Variants in NDST4 observed in about 807,000 individuals in gnomAD.
NDST4 encodes the protein N-deacetylase and N-sulfotransferase 4, also known as N-heparan sulfate sulfotransferase 4.
Under a neutral mutation model 100.8 loss-of-function variants are expected in NDST4, and 63 were observed. That is an observed-to-expected ratio of 0.62 (90% confidence interval 0.51 to 0.77). The LOEUF is 0.77. Ranked by LOEUF, NDST4 falls within the 30% of genes least tolerant of loss-of-function variation. The probability of loss-of-function intolerance (pLI) is 0.00; values close to 1 mark genes in which losing one functional copy is unlikely to be tolerated. For missense variants in NDST4, 943 were observed against 1,018.4 expected, an observed-to-expected ratio of 0.93 and a Z score of 1.01; for synonymous variants, 377 against 361.8, an observed-to-expected ratio of 1.04 and a Z score of -0.48.
chr4:115,094,326 T>A (rs1206551168), intron 1 of NDST4, among the ~76,000 whole-genome samples: 1 of 152,036 alleles, frequency 6.6e-6, no homozygotes, highest in Non-Finnish European at 1.5e-5. Context: ...TCATCAAAAC[T>A]TCAAAGAATA....
At chr4:114,981,447 C>T (rs974431748) in intron 2 of NDST4, among the ~76,000 whole-genome samples, 1 of 152,106 alleles carries the variant, frequency 6.6e-6, no homozygotes, top group Non-Finnish European at 1.5e-5. Context: ...ATAATGCCTA[C>T]AAATGTGCAC....
At chr4:114,970,637 A>G in intron 3 of NDST4, 53 bp from the exon 4 acceptor site, 1 of 1,486,620 alleles carries the variant, frequency 6.7e-7, no homozygotes, top group Non-Finnish European at 9.2e-7. Context: ...TACTATCTTA[A>G]AGGTTATTTT....
chr4:114,994,212 T>C (rs556410731), intron 2 of NDST4, among the ~76,000 whole-genome samples: 13 of 152,152 alleles, frequency 8.5e-5, no homozygotes, highest in South Asian at 4.1e-4. Flanking sequence ...AATTTTCTGC[T>C]GAACAAACAA....
intron 2 of NDST4, among the ~76,000 whole-genome samples, chr4:115,001,868 T>C (rs1468920967): frequency 1.3e-5 from 2 of 152,178 alleles, no homozygotes; most frequent in Non-Finnish European, 2.9e-5. Flanking sequence ...GCAGGTATTA[T>C]AATCATGCCT....
At chr4:114,996,396 C>T (rs969845692) in intron 2 of NDST4, among the ~76,000 whole-genome samples, 11 of 152,040 alleles carry the variant, frequency 7.2e-5, no homozygotes, top group African/African-American at 2.4e-4. Flanking sequence ...ATAAATTACT[C>T]AGACCTGAGT....
At position 115,008,597 on chromosome 4, in the gene NDST4, A is replaced by G. The variant is rs527688468; in HGVS notation, c.979-31323T>C. On this transcript the variant is annotated intron_variant, in intron 2 of 13. Transcript: ENST00000264363. ...CCAATATCATACTGAATGGGCAAAA[A>G]CTGGACGCATTCCCTTTGAATGGCA... 2.3e-5 allele frequency among the ~76,000 whole-genome samples: 3 copies of G among 129,016 alleles called. 1 individual carries two copies. The highest frequency in any genetic ancestry group is 1.6e-4 in the Admixed American group (2 of 12,606). The allele number at this position is 129,016 out of a possible 152,430, so 84.6% of individuals were successfully genotyped here. A position where few individuals can be genotyped will look rare whatever the true frequency, so the allele number is the denominator to read the frequency against.
chr4:114,835,818 A>G (rs1245468102), intron 11 of NDST4, among the ~76,000 whole-genome samples: 3 of 152,188 alleles, frequency 2.0e-5, no homozygotes, highest in Admixed American at 2.0e-4. Flanking sequence ...ATATATATTT[A>G]AGATAGTTAG....
rs959218046 is a variant in NDST4, at chr4:114,953,424, T to G, written c.1222-15921A>C. 5.6e-4 allele frequency among the ~76,000 whole-genome samples: 85 copies of G among 152,176 alleles called. 1 individual carries two copies. Among genetic ancestry groups the G allele is most frequent in the Non-Finnish European group, 1.3e-4 (9 of 68,000 alleles). ...AGAGAAAGTTATCAATCTTACAAAC[T>G]TGGACCAGGAGACTGAGGAAGTAGA... On this transcript the variant is annotated intron_variant, in intron 4 of 13. Coordinates refer to ENST00000264363, the MANE Select transcript of NDST4 (RefSeq NM_022569.3).
At chr4:114,883,276 G>A (rs987791548) in intron 6 of NDST4, among the ~76,000 whole-genome samples, 1 of 152,030 alleles carries the variant, frequency 6.6e-6, no homozygotes, top group Admixed American at 6.6e-5. Flanking sequence ...TCAAGTAAGT[G>A]AAATGATTAA....
At chr4:115,101,895 G>A (rs1394644200) in intron 1 of NDST4, among the ~76,000 whole-genome samples, 3 of 152,080 alleles carry the variant, frequency 2.0e-5, no homozygotes, top group Non-Finnish European at 2.9e-5. Flanking sequence ...ATTAGGAGAC[G>A]GGTTGGAGAG....
At chr4:114,920,312 C>G (rs1436972008) in intron 6 of NDST4, among the ~76,000 whole-genome samples, 1 of 152,052 alleles carries the variant, frequency 6.6e-6, no homozygotes. Context: ...GAAGCTCTGT[C>G]TATATAGATT....
intron 9 of NDST4, 106 bp from the exon 10 acceptor site, chr4:114,846,103 GATT>G (rs1723544859): frequency 1.2e-6 from 1 of 854,428 alleles, no homozygotes; most frequent in East Asian, 2.7e-5. Context: ...AGCTATTTCT[GATT>G]ATTATGCTGT....
chr4:115,022,050 T>C (rs1560864019), intron 2 of NDST4, among the ~76,000 whole-genome samples: 2 of 148,884 alleles, frequency 1.3e-5, no homozygotes, highest in Admixed American at 1.3e-4. Context: ...TCCATATCTC[T>C]ATGTTCCATA....
chr4:115,088,233 C>T (rs374551525), intron 1 of NDST4, among the ~76,000 whole-genome samples: 2 of 151,846 alleles, frequency 1.3e-5, no homozygotes, highest in East Asian at 3.9e-4. Context: ...CTGACTCCCT[C>T]CCACTAATGT....
At chr4:114,894,525 A>G (rs55634293) in intron 6 of NDST4, among the ~76,000 whole-genome samples, 1,936 of 152,200 alleles carry the variant, frequency 0.013, 44 homozygotes, top group African/African-American at 0.044. Context: ...TTCATTCAAG[A>G]TTTTGCTCTC....
At chr4:115,086,723 C>T (rs72898702) in intron 1 of NDST4, among the ~76,000 whole-genome samples, 3,391 of 152,088 alleles carry the variant, frequency 0.022, 139 homozygotes, top group African/African-American at 0.076. Context: ...TGTATAGTGC[C>T]TATTCACCAT....
In NDST4 at chr4:115,077,155, C is replaced by A; in HGVS notation, c.-119G>T. The A allele has an allele frequency of 1.0e-6, 1 of 974,674 alleles. No homozygotes were observed. Among genetic ancestry groups the A allele is most frequent in the Non-Finnish European group, 1.5e-6 (1 of 678,404 alleles). The allele number at this position is 974,674 out of a possible 1,614,324, so 60.4% of individuals were successfully genotyped here. ...CAGAGTTCATGTAACCATCGCAAAT[C>A]ATGTAAAATGTTTGAAGGGAGCACA... On this transcript the variant is annotated 5_prime_UTR_variant, in exon 2 of 14. It removes an upstream start codon present in the reference 5' UTR. Transcript: ENST00000264363.
chr4:114,971,759 G>C (rs116704086), intron 3 of NDST4, among the ~76,000 whole-genome samples: 2,276 of 152,136 alleles, frequency 0.015, 66 homozygotes, highest in African/African-American at 0.051. Flanking sequence ...CCATGTGTGT[G>C]TCTTAAAGAT....
intron 6 of NDST4, among the ~76,000 whole-genome samples, chr4:114,916,899 A>T (rs201922343): frequency 1.5e-4 from 20 of 129,326 alleles, no homozygotes; most frequent in Admixed American, 1.2e-3. Context: ...AATTTTTTTT[A>T]TTTCTCTGGA....
Sources: allele counts gnomAD v4.1 joint callset (sites outside exome capture counted in the v4.1 genomes callset), GRCh38; gene constraint gnomAD v4.1.1; transcripts MANE v1.5; gene names NCBI Gene and HGNC (gene_info 2026-07-23, HGNC 2026-07-21).